NELL1: variants seen among roughly 807,000 people sequenced by gnomAD.
The protein encoded by NELL1 is neural EGFL like 1.
Under a neutral mutation model 107.4 loss-of-function variants are expected in NELL1, and 76 were observed. The observed-to-expected ratio is 0.71, with a 90% confidence interval of 0.59 to 0.86. The LOEUF (loss-of-function observed/expected upper bound fraction) is 0.86. NELL1 is among the 40% of genes least tolerant of loss of function. The pLI, the probability that NELL1 is intolerant of heterozygous loss-of-function variation, is 0.00. For missense variants in NELL1, 1,024 were observed against 1,005.5 expected, an observed-to-expected ratio of 1.02 and a Z score of -0.25; for synonymous variants, 353 against 341.2, an observed-to-expected ratio of 1.03 and a Z score of -0.38.
Position 20,873,766 on chromosome 11 carries a change from AC to A in NELL1, c.507-11677del, listed in dbSNP as rs1479075786. 2.3e-5 allele frequency among the ~76,000 whole-genome samples: 3 copies of A among 128,094 alleles called. No homozygotes were observed. The Admixed American group carries it at 2.3e-4, about 10-fold the overall frequency. 84.0% of individuals were successfully genotyped at this position (128,094 alleles called of 152,430 possible). ...GTGTAACCCACTGGTTGAATATTTG[AC>A]TTTTTTTTTTTTTTTTTGAGACAGG... On this transcript the variant is annotated intron_variant, in intron 4 of 19. Coordinates refer to ENST00000357134, the MANE Select transcript of NELL1 (RefSeq NM_006157.5).
At chr11:21,028,717 T>G (rs1400761472) in intron 12 of NELL1, among the ~76,000 whole-genome samples, 1 of 152,130 alleles carries the variant, frequency 6.6e-6, no homozygotes, top group African/African-American at 2.4e-5. Flanking sequence ...CTTTTCTTAT[T>G]TCTCCCTTTG....
chr11:21,495,960 C>G (rs905542859), intron 15 of NELL1, among the ~76,000 whole-genome samples: 1 of 151,822 alleles, frequency 6.6e-6, no homozygotes, highest in African/African-American at 2.4e-5. Context: ...TTATCTGTAC[C>G]AAGTGGGTCC....
chr11:20,961,639 G>A (rs1185067446), intron 12 of NELL1, among the ~76,000 whole-genome samples: 1 of 151,878 alleles, frequency 6.6e-6, no homozygotes, highest in Non-Finnish European at 1.5e-5. Flanking sequence ...GAACAACACG[G>A]GTTTAAACTT....
At chr11:21,227,077 T>C (rs2133880616) in intron 13 of NELL1, among the ~76,000 whole-genome samples, 1 of 152,356 alleles carries the variant, frequency 6.6e-6, no homozygotes, top group Non-Finnish European at 1.5e-5. Flanking sequence ...AACCATACCT[T>C]TCTCCATACT....
intron 13 of NELL1, among the ~76,000 whole-genome samples, chr11:21,137,538 G>A (rs1056210098): frequency 4.6e-5 from 7 of 152,186 alleles, no homozygotes; most frequent in Non-Finnish European, 1.0e-4. Context: ...TGGATAGCGG[G>A]TAGAATTTGG....
chr11:20,880,148 A>G (rs1265155330), intron 4 of NELL1, among the ~76,000 whole-genome samples: 1 of 152,250 alleles, frequency 6.6e-6, no homozygotes, highest in Non-Finnish European at 1.5e-5. Context: ...CTTGCATTGT[A>G]ACATTGAAAT....
intron 2 of NELL1, among the ~76,000 whole-genome samples, chr11:20,783,390 CT>C (rs1211933251): frequency 6.6e-6 from 1 of 152,194 alleles, no homozygotes; most frequent in Non-Finnish European, 1.5e-5. Flanking sequence ...CAATTGGGAA[CT>C]TGTCAAAGTG....
At chr11:21,242,116 C>CACAT (rs141341643) in intron 14 of NELL1, among the ~76,000 whole-genome samples, 9,508 of 151,986 alleles carry the variant, frequency 0.063, 357 homozygotes, top group East Asian at 0.095. Context: ...AAATGATGAA[C>CACAT]ACATGAGAAA....
chr11:20,958,891 T>C (rs903262575), intron 11 of NELL1, among the ~76,000 whole-genome samples: 1 of 152,160 alleles, frequency 6.6e-6, no homozygotes, highest in Non-Finnish European at 1.5e-5. Flanking sequence ...AGGCATACCC[T>C]GGAGATATTG....
intron 14 of NELL1, chr11:21,283,860 A>G (rs1173341430): frequency 9.0e-6 from 2 of 222,636 alleles, no homozygotes; most frequent in Non-Finnish European, 1.8e-5. Context: ...TACTCCTGGG[A>G]TATTTTACTT....
intron 15 of NELL1, among the ~76,000 whole-genome samples, chr11:21,520,200 C>T (rs1855682739): frequency 1.3e-5 from 2 of 152,194 alleles, no homozygotes; most frequent in African/African-American, 2.4e-5. Context: ...GATTTTGTCT[C>T]ACCAGAATTC....
intron 12 of NELL1, among the ~76,000 whole-genome samples, chr11:21,108,689 T>C (rs1855029268): frequency 6.6e-6 from 1 of 152,138 alleles, no homozygotes; most frequent in Non-Finnish European, 1.5e-5. Flanking sequence ...TGTCAGTCTG[T>C]GAGTTCCAGC....
At chr11:21,294,547 A>G (rs1402185960) in intron 14 of NELL1, among the ~76,000 whole-genome samples, 1 of 152,058 alleles carries the variant, frequency 6.6e-6, no homozygotes, top group Non-Finnish European at 1.5e-5. Flanking sequence ...GTTATTATGC[A>G]TTATTGAGTT....
chr11:21,575,385 A>G lies in NELL1; in HGVS notation c.*363A>G, dbSNP rs1028856230. 6 of 179,772 alleles carry G rather than the reference A, an allele frequency of 3.3e-5. No individual in the cohort carries two copies. The highest frequency in any genetic ancestry group is 5.8e-5 in the Admixed American group (1 of 17,104). 11.1% of individuals were successfully genotyped at this position (179,772 alleles called of 1,614,324 possible). A position where few individuals can be genotyped will look rare whatever the true frequency, so the allele number is the denominator to read the frequency against. ...TATTTTGTGTACTAACATAATAGAG[A>G]GAGACTCAGCTCCTTTTATTTATTT... On this transcript the variant is annotated 3_prime_UTR_variant, in exon 20 of 20. Transcript: ENST00000357134.
intron 4 of NELL1, among the ~76,000 whole-genome samples, chr11:20,871,633 T>A (rs1001424566): frequency 2.9e-4 from 23 of 79,252 alleles, no homozygotes; most frequent in African/African-American, 8.2e-4. Flanking sequence ...TACTTTCTCA[T>A]TTTTTTTTTA....
intron 15 of NELL1, among the ~76,000 whole-genome samples, chr11:21,400,311 G>C (rs1206551588): frequency 1.3e-5 from 2 of 151,846 alleles, no homozygotes; most frequent in East Asian, 3.9e-4. Flanking sequence ...AACTGTCACA[G>C]AAGCATCCAA....
chr11:20,869,053 G>A (rs1849148779), intron 4 of NELL1, among the ~76,000 whole-genome samples: 1 of 152,198 alleles, frequency 6.6e-6, no homozygotes, highest in African/African-American at 2.4e-5. Flanking sequence ...GGAAGCAAAA[G>A]AGTATATGAA....
At chr11:21,472,620 T>TAGG in intron 15 of NELL1, among the ~76,000 whole-genome samples, 1 of 152,092 alleles carries the variant, frequency 6.6e-6, no homozygotes, top group South Asian at 2.1e-4. Context: ...TCAAATCAAG[T>TAGG]AGGCTAGTAT....
At chr11:21,051,330 G>A (rs573321129) in intron 12 of NELL1, among the ~76,000 whole-genome samples, 2 of 152,222 alleles carry the variant, frequency 1.3e-5, no homozygotes, top group South Asian at 4.2e-4. Flanking sequence ...TGGGAGCTAA[G>A]CTATGAGGAC....
Sources: gnomAD v4.1 joint callset for allele counts (sites outside exome capture counted in the v4.1 genomes callset) on GRCh38, gnomAD v4.1.1 for gene constraint, MANE v1.5 for transcripts, NCBI Gene and HGNC (gene_info 2026-07-23, HGNC 2026-07-21) for gene names.